Variants in BTBD16 observed in about 807,000 individuals in gnomAD.
BTBD16 encodes the protein BTB domain containing 16.
A neutral mutation model predicts 67.4 loss-of-function variants in BTBD16; 66 were observed. The ratio of observed to expected loss-of-function variants is 0.98; its 90% CI spans 0.80 to 1.20. The LOEUF (loss-of-function observed/expected upper bound fraction) is 1.20. BTBD16 is among the 50% of genes most tolerant of loss of function. The pLI is 0.00. For synonymous variants in BTBD16, 242 were observed against 236.4 expected (o/e 1.02, Z -0.22); for missense variants, 634 against 616.0 (o/e 1.03, Z -0.31).
intron 10 of BTBD16, among the ~76,000 whole-genome samples, chr10:122,324,800 C>G (rs1346960729): frequency 6.6e-6 from 1 of 152,164 alleles, no homozygotes; most frequent in Non-Finnish European, 1.5e-5. Context: ...ATGCTTAGTT[C>G]TTACTAACTT....
At chr10:122,293,671 G>A (rs767921803) in intron 7 of BTBD16, among the ~76,000 whole-genome samples, 5 of 152,192 alleles carry the variant, frequency 3.3e-5, no homozygotes, top group African/African-American at 7.2e-5. Flanking sequence ...TGTCCCTTCC[G>A]TTGTATATAT....
intron 7 of BTBD16, among the ~76,000 whole-genome samples, chr10:122,291,920 A>G (rs1033866530): frequency 6.6e-6 from 1 of 152,110 alleles, no homozygotes; most frequent in African/African-American, 2.4e-5. Context: ...GAGGCATTCA[A>G]AGTGGGTTGG....
intron 10 of BTBD16, among the ~76,000 whole-genome samples, chr10:122,317,654 C>CA (rs1249408039): frequency 1.3e-4 from 14 of 108,480 alleles, no homozygotes; most frequent in East Asian, 1.0e-3. Flanking sequence ...CTCAAAAAAA[C>CA]ACAAAAAAAC....
At chr10:122,328,780 ATGCGTGTCTGTGTG>A in intron 10 of BTBD16, 1 of 985,416 alleles carries the variant, frequency 1.0e-6, no homozygotes, top group Non-Finnish European at 1.2e-6. Flanking sequence ...AGGGCAGGGA[ATGCGTGTCTGTGTG>A]TGCGTGTCTT....
chr10:122,306,956 G>A (rs1023488433), intron 9 of BTBD16, among the ~76,000 whole-genome samples: 1 of 152,140 alleles, frequency 6.6e-6, no homozygotes, highest in African/African-American at 2.4e-5. Context: ...GGGCACAGAG[G>A]GTGGGTGAAA....
chr10:122,272,553 C>T lies in BTBD16; in HGVS notation c.-43+1039C>T, dbSNP rs551631746. Among the ~76,000 whole-genome samples the T allele has an allele frequency of 2.0e-5, 3 of 152,118 alleles. No homozygotes were observed. The East Asian group carries it at 5.8e-4, about 30-fold the overall frequency. ...ACAAGGTTTCATCATATTGGTTAGGCTGGTCTTGAACTCCTGACCTCAGGT... is the reference window on the plus strand; with the variant it reads ...ACAAGGTTTCATCATATTGGTTAGGTTGGTCTTGAACTCCTGACCTCAGGT... On this transcript the variant is annotated intron_variant, in intron 1 of 15. Coordinates refer to ENST00000260723, the MANE Select transcript of BTBD16 (RefSeq NM_144587.5).
intron 9 of BTBD16, among the ~76,000 whole-genome samples, chr10:122,306,042 G>A (rs183095389): frequency 4.7e-4 from 71 of 152,194 alleles, no homozygotes; most frequent in African/African-American, 1.4e-3. Flanking sequence ...TAGTGTCCGC[G>A]GGCTTTAAAA....
intron 7 of BTBD16, among the ~76,000 whole-genome samples, chr10:122,296,779 A>G (rs2096384029): frequency 6.6e-6 from 1 of 152,198 alleles, no homozygotes; most frequent in East Asian, 1.9e-4. Flanking sequence ...AATCAGGGAG[A>G]CTTCCAAGAG....
intron 12 of BTBD16, 94 bp from the exon 13 acceptor site, chr10:122,332,342 G>GC (rs924158533): frequency 2.4e-5 from 28 of 1,162,020 alleles, no homozygotes; most frequent in East Asian, 1.2e-4. Context: ...ACCTGGTGAG[G>GC]GGGGCAGGGG....
intron 14 of BTBD16, among the ~76,000 whole-genome samples, chr10:122,336,229 G>A (rs945180794): frequency 2.0e-5 from 3 of 152,138 alleles, no homozygotes; most frequent in African/African-American, 4.8e-5. Context: ...TTTAATTCTG[G>A]CAAAGGCATC....
Position 122,307,310 on chromosome 10 carries a change from T to C in BTBD16, c.911+2T>C. On this transcript the variant is annotated splice_donor_variant, in intron 10 of 15. Transcript: ENST00000260723. LOFTEE classifies it high-confidence loss of function. Reference sequence around the variant, plus strand: ...AACCGTGATGACATTTTTTAAGAGGTAATATAACTTAGTGTTGATTGATGA... The same window carrying C: ...AACCGTGATGACATTTTTTAAGAGGCAATATAACTTAGTGTTGATTGATGA... The C allele has an allele frequency of 6.2e-7, 1 of 1,602,386 alleles. No individual in the cohort carries two copies. The highest frequency in any genetic ancestry group is 1.1e-5 in the South Asian group (1 of 87,734).
chr10:122,289,364 C>A (rs185084376), intron 5 of BTBD16, among the ~76,000 whole-genome samples: 1 of 152,132 alleles, frequency 6.6e-6, no homozygotes, highest in Admixed American at 6.5e-5. Flanking sequence ...GGAAGTTAGG[C>A]GAGGGATACG....
chr10:122,328,025 A>C (rs1338629445), intron 10 of BTBD16, among the ~76,000 whole-genome samples: 4 of 152,218 alleles, frequency 2.6e-5, no homozygotes, highest in African/African-American at 9.6e-5. Flanking sequence ...AGCACTGGGC[A>C]AGGCTAGGGA....
intron 10 of BTBD16, among the ~76,000 whole-genome samples, chr10:122,328,299 C>T (rs2096448883): frequency 6.6e-6 from 1 of 152,188 alleles, no homozygotes; most frequent in African/African-American, 2.4e-5. Flanking sequence ...TTCTGCACTC[C>T]TGAAAGCATC....
intron 10 of BTBD16, 128 bp downstream of exon 10, chr10:122,307,436 T>C (rs917384916): frequency 4.3e-6 from 4 of 936,336 alleles, no homozygotes; most frequent in African/African-American, 1.7e-5. Context: ...GGCACTGTTT[T>C]TTTAATAGGG....
At chr10:122,318,597 T>G (rs2142113000) in intron 10 of BTBD16, among the ~76,000 whole-genome samples, 1 of 152,346 alleles carries the variant, frequency 6.6e-6, no homozygotes. Context: ...TTTTTTGTTT[T>G]GTTTTTGAGA....
chr10:122,331,496 A>G (rs527604621), intron 12 of BTBD16, among the ~76,000 whole-genome samples: 1 of 152,318 alleles, frequency 6.6e-6, no homozygotes, highest in South Asian at 2.1e-4. Context: ...TTCTTGGTAC[A>G]GATTAACAAA....
chr10:122,289,938 TC>T lies in BTBD16; in HGVS notation c.419del (p.Pro140LeufsTer9). The T allele has an allele frequency of 6.2e-7, 1 of 1,613,590 alleles. No individual in the cohort carries two copies. Among genetic ancestry groups the T allele is most frequent in the Non-Finnish European group, 8.5e-7 (1 of 1,179,860 alleles). On this transcript the variant is annotated frameshift_variant, in exon 6 of 16. Transcript: ENST00000260723. LOFTEE classifies it high-confidence loss of function. ...AQSPKKTKEKSPAKRIIISLK... is the reference protein window; with the variant it reads ...AQSPKKTKEKXPAKRIIISLK... ...ATCACCTAAGAAGACCAAAGAAAAA[TC>T]CCCTGCAAAGAGGATCATCATTTCC...
chr10:122,291,006 G>C, intron 6 of BTBD16, 74 bp from the exon 7 acceptor site: 1 of 1,435,730 alleles, frequency 7.0e-7, no homozygotes. Context: ...AGCTGCAGGA[G>C]TGAGGGAGGG....
Sources: allele counts gnomAD v4.1 joint callset (sites outside exome capture counted in the v4.1 genomes callset), GRCh38; gene constraint gnomAD v4.1.1; transcripts MANE v1.5; gene names NCBI Gene and HGNC (gene_info 2026-07-23, HGNC 2026-07-21).